The following SP110 variants were observed in gnomAD, a reference collection of about 807,000 sequenced individuals.
The protein encoded by SP110 is interferon-induced protein 41, 30kD.
In SP110, 62 loss-of-function variants were observed where a neutral mutation model predicts 92.7. That is an observed-to-expected ratio of 0.67 (90% CI 0.55 to 0.83). The LOEUF is 0.83. SP110 is among the 40% of genes least tolerant of loss of function. The pLI is 0.00. For missense variants in SP110, 793 were observed against 863.9 expected, an observed-to-expected ratio of 0.92 and a Z score of 1.03; for synonymous variants, 273 against 305.3, an observed-to-expected ratio of 0.89 and a Z score of 1.10.
intron 8 of SP110, among the ~76,000 whole-genome samples, chr2:230,207,477 C>T (rs556682452): frequency 3.3e-4 from 51 of 152,284 alleles, no homozygotes; most frequent in Non-Finnish European, 6.3e-4. Context: ...ACAAAACACA[C>T]ATCTATACAC....
Position 230,212,900 on chromosome 2 carries a change from G to A in SP110, c.444C>T (p.Ser148=). The change falls in exon 4 of 19, where the codon AGC becomes AGT. Residue 148 remains serine, a synonymous_variant. Coordinates refer to ENST00000258381, the MANE Select transcript of SP110 (RefSeq NM_080424.4). ...ALPPPQPPQP[S]CSPCAPRVSE... is the part of the protein sequence containing the mutation. The stretch of plus-strand genomic sequence containing the variant: ...TGACTCTTGGCGCACAGGGTGAACA[G>A]CTTGGTTGAGGGGGTTGTGGTGGGG... 6.2e-7 allele frequency: 1 copy of A among 1,614,114 alleles called. No homozygotes were observed. Among genetic ancestry groups the A allele is most frequent in the East Asian group, 2.2e-5 (1 of 44,874 alleles).
At chr2:230,199,169 G>T (rs1339816347) in intron 10 of SP110, among the ~76,000 whole-genome samples, 1 of 147,236 alleles carries the variant, frequency 6.8e-6, no homozygotes, top group Non-Finnish European at 1.5e-5. Flanking sequence ...TTTTTAGTGG[G>T]GTGAGGTTTG....
In SP110 at chr2:230,212,198, G is replaced by A. The variant is rs181578259; in HGVS notation, c.667+149C>T. On this transcript the variant is annotated intron_variant, in intron 5 of 18. Transcript: ENST00000258381. ...TTGTTGGTTTGTTTTGCATTGCTGC[G>A]TTGGTGAATTGGCCCCTTCTGTTTC... The A allele has an allele frequency of 2.5e-4, 172 of 699,188 alleles. 1 individual carries two copies. The Middle Eastern group carries it at 3.4e-3, about 14-fold the overall frequency. 43.3% of individuals were successfully genotyped at this position (699,188 alleles called of 1,614,324 possible).
chr2:230,175,386 T>TAA (rs56315623), intron 14 of SP110, among the ~76,000 whole-genome samples: 21 of 151,572 alleles, frequency 1.4e-4, no homozygotes, highest in African/African-American at 3.2e-4. Flanking sequence ...AAGAAAAGTT[T>TAA]AAAAAAAAAC....
intron 10 of SP110, among the ~76,000 whole-genome samples, chr2:230,199,012 T>C (rs2043004120): frequency 6.6e-6 from 1 of 151,932 alleles, no homozygotes; most frequent in Admixed American, 6.6e-5. Context: ...GGATGCCACA[T>C]GCTGAGGATG....
At position 230,166,961 on chromosome 2, in the gene SP110, T is replaced by C. The variant is rs1465361472; in HGVS notation, c.*2163A>G. 1 of 152,200 alleles carries C rather than the reference T, an allele frequency of 6.6e-6. No individual in the cohort carries two copies. The highest frequency in any genetic ancestry group is 2.4e-5 in the African/African-American group (1 of 41,440). 9.4% of individuals were successfully genotyped at this position (152,200 alleles called of 1,614,324 possible). Reference sequence around the variant, plus strand: ...GAATGGAAGTGTCTATAGTAGTTGTTCAGTCCCTGTTTCATCACTGACTGT... The same window carrying C: ...GAATGGAAGTGTCTATAGTAGTTGTCCAGTCCCTGTTTCATCACTGACTGT... On this transcript the variant is annotated 3_prime_UTR_variant, in exon 19 of 19. Transcript: ENST00000258381.
chr2:230,175,704 T>A (rs1483597132), intron 14 of SP110, among the ~76,000 whole-genome samples: 1 of 151,980 alleles, frequency 6.6e-6, no homozygotes, highest in Non-Finnish European at 1.5e-5. Flanking sequence ...TCTAAGCAAG[T>A]AGAGGAGGTT....
At chr2:230,200,573 C>T (rs781423237) in intron 10 of SP110, 12 of 414,612 alleles carry the variant, frequency 2.9e-5, no homozygotes, top group African/African-American at 6.1e-5. Flanking sequence ...CATGAATATA[C>T]TTAGGACACT....
intron 10 of SP110, among the ~76,000 whole-genome samples, chr2:230,190,083 T>G (rs1438600724): frequency 6.6e-6 from 1 of 152,244 alleles, no homozygotes; most frequent in Non-Finnish European, 1.5e-5. Flanking sequence ...ATGGGATTGC[T>G]GTGTCAAATG....
upstream of SP110, among the ~76,000 whole-genome samples, chr2:230,221,406 G>A (rs1248161124): frequency 6.6e-6 from 1 of 152,154 alleles, no homozygotes; most frequent in African/African-American, 2.4e-5. Flanking sequence ...GGGAGACATG[G>A]ATCTAAAGTT....
At position 230,212,435 on chromosome 2, in the gene SP110, A is replaced by G; in HGVS notation, c.584-5T>C. 1 of 1,599,156 alleles carries G rather than the reference A, an allele frequency of 6.3e-7. No individual in the cohort carries two copies. Among genetic ancestry groups the G allele is most frequent in the South Asian group, 1.1e-5 (1 of 90,782 alleles). ...ATGTTAACTTGTCATTGGTCACTGA[A>G]GGAGGAAAGGAAATTATTACAGATT... On this transcript the variant is annotated splice_polypyrimidine_tract_variant and splice_region_variant and intron_variant, in intron 4 of 18. Transcript: ENST00000258381.
chr2:230,173,312 T>G, intron 14 of SP110: 1 of 326,510 alleles, frequency 3.1e-6, no homozygotes, highest in Non-Finnish European at 6.1e-6. Context: ...TTAATAGATC[T>G]GACTGACCAA....
upstream of SP110, among the ~76,000 whole-genome samples, chr2:230,221,459 C>G (rs1012058086): frequency 2.0e-5 from 3 of 152,136 alleles, no homozygotes; most frequent in Non-Finnish European, 4.4e-5. Context: ...AGAGCAAGCC[C>G]TTCTATGCAG....
At chr2:230,195,371 G>A (rs2042823875) in intron 10 of SP110, among the ~76,000 whole-genome samples, 1 of 152,172 alleles carries the variant, frequency 6.6e-6, no homozygotes, top group South Asian at 2.1e-4. Context: ...GTCTTGTTCT[G>A]TTATGCAGGC....
At chr2:230,176,871 C>T (rs562704771) in intron 14 of SP110, 12 of 788,050 alleles carry the variant, frequency 1.5e-5, no homozygotes, top group Middle Eastern at 2.4e-4. Context: ...AATTAGCTCC[C>T]TCCCCCAGTC....
At chr2:230,202,475 C>T in intron 9 of SP110, 104 bp downstream of exon 9, 11 of 1,059,514 alleles carry the variant, frequency 1.0e-5, no homozygotes, top group Admixed American at 1.0e-4. Context: ...TGTACTTTTT[C>T]CTTTTACTAT....
At chr2:230,197,855 A>G (rs1047322767) in intron 10 of SP110, among the ~76,000 whole-genome samples, 2 of 152,110 alleles carry the variant, frequency 1.3e-5, no homozygotes, top group Non-Finnish European at 2.9e-5. Flanking sequence ...GTCTTACTAC[A>G]TTGTCAAGCT....
At position 230,172,867 on chromosome 2, in the gene SP110, G is replaced by A; in HGVS notation, c.1683C>T (p.His561=). The change falls in exon 15 of 19, where the codon CAC becomes CAT. Residue 561 remains histidine, a synonymous_variant. Transcript: ENST00000258381. ...ACCTCTTGGCTTCCACAGGGGGGAT[G>A]TGACAGTCCTCATGGAAGACTCGTG... ...TCPRVFHEDC[H]IPPVEAKRML... 6 of 1,613,570 alleles carry A rather than the reference G, an allele frequency of 3.7e-6. No homozygotes were observed. Among genetic ancestry groups the A allele is most frequent in the South Asian group, 2.2e-5 (2 of 91,072 alleles).
rs150472354 is a variant in SP110 at position 230,189,139 on chromosome 2, T to A, written c.1130-2996A>T. Among the ~76,000 whole-genome samples the A allele has an allele frequency of 6.5e-3, 986 of 152,230 alleles. 3 individuals carry two copies. The highest frequency in any genetic ancestry group is 0.022 in the African/African-American group (924 of 41,546). Reference sequence around the variant, plus strand: ...GCTAATGTTCTATCAATTTTGTTTATCTTTTCAAAGAACCAGCTTTTTGTT... The same window carrying A: ...GCTAATGTTCTATCAATTTTGTTTAACTTTTCAAAGAACCAGCTTTTTGTT... On this transcript the variant is annotated intron_variant, in intron 10 of 18. Transcript: ENST00000258381.
Sources: allele counts gnomAD v4.1 joint callset (sites outside exome capture counted in the v4.1 genomes callset), GRCh38; gene constraint gnomAD v4.1.1; transcripts MANE v1.5; gene names NCBI Gene and HGNC (gene_info 2026-07-23, HGNC 2026-07-21).